The following ZNF66 variants were observed in gnomAD, a reference collection of about 807,000 sequenced individuals.
ZNF66 encodes zinc finger protein 66.
Under a neutral mutation model 35.2 loss-of-function variants are expected in ZNF66, and 32 were observed. That is an observed-to-expected ratio of 0.91 (90% CI 0.69 to 1.22). The LOEUF is 1.22. Ranked by LOEUF, ZNF66 falls within the 50% of genes most tolerant of loss-of-function variation. The pLI is 0.00. For missense variants in ZNF66, 666 were observed against 543.1 expected (o/e 1.23, Z -2.25); for synonymous variants, 231 against 181.3 (o/e 1.27, Z -2.20).
chr19:20,779,791 G>T (rs1971229022), intron 1 of ZNF66, among the ~76,000 whole-genome samples: 1 of 152,008 alleles, frequency 6.6e-6, no homozygotes, highest in African/African-American at 2.4e-5. Context: ...CAACAGGTGT[G>T]GTGGTGCATG....
At chr19:20,804,573 C>T (rs1236744065) in intron 3 of ZNF66, among the ~76,000 whole-genome samples, 1 of 152,056 alleles carries the variant, frequency 6.6e-6, no homozygotes, top group East Asian at 1.9e-4. Flanking sequence ...AGACAGGCTT[C>T]CTCTGTTGTC....
intron 1 of ZNF66, chr19:20,785,010 G>A (rs1971274947): frequency 6.6e-6 from 1 of 152,266 alleles, no homozygotes; most frequent in African/African-American, 2.4e-5. Flanking sequence ...TCTCTATCTG[G>A]ACTCATGTTG....
Position 20,805,922 on chromosome 19 carries a change from C to A in ZNF66, c.322C>A (p.His108Asn). The stretch of plus-strand genomic sequence containing the variant: ...ACTGAGAAGGCATAAAAAATGTGGA[C>A]ATGATAATTTGCAGTTAAAAAAAGG... ...LILRRHKKCGHDNLQLKKGCE... is the reference protein window; with the variant it reads ...LILRRHKKCGNDNLQLKKGCE... Residue 108 changes from histidine (H) to asparagine (N), a missense_variant, in exon 4 of 4, where the codon CAT becomes AAT. Coordinates refer to ENST00000344519, the MANE Select transcript of ZNF66 (RefSeq NM_001355197.2). The A allele has an allele frequency of 1.5e-6, 1 of 675,218 alleles. No homozygotes were observed. The highest frequency in any genetic ancestry group is 2.4e-5 in the Admixed American group (1 of 41,230). The allele number at this position is 675,218 out of a possible 1,614,324, so 41.8% of individuals were successfully genotyped here. A position where few individuals can be genotyped will look rare whatever the true frequency, so the allele number is the denominator to read the frequency against.
intron 1 of ZNF66, among the ~76,000 whole-genome samples, chr19:20,781,563 GCA>G (rs1294621372): frequency 6.6e-6 from 1 of 151,144 alleles, no homozygotes; most frequent in African/African-American, 2.4e-5. Context: ...AGGCTGGAGT[GCA>G]ATGGTGTGAT....
intron 3 of ZNF66, among the ~76,000 whole-genome samples, chr19:20,796,952 G>GA (rs1971397775): frequency 2.0e-5 from 3 of 152,076 alleles, no homozygotes; most frequent in Non-Finnish European, 4.4e-5. Flanking sequence ...CCAGGTTCAA[G>GA]CAATTCTCAT....
In ZNF66 at chr19:20,806,220, G is replaced by C. The variant is rs1971505574; in HGVS notation, c.620G>C (p.Gly207Ala). 7.2e-7 allele frequency: 1 copy of C among 1,396,990 alleles called. No homozygotes were observed. The highest frequency in any genetic ancestry group is 1.4e-5 in the African/African-American group (1 of 70,526). The allele number at this position is 1,396,990 out of a possible 1,614,324, so 86.5% of individuals were successfully genotyped here. A position where few individuals can be genotyped will look rare whatever the true frequency, so the allele number is the denominator to read the frequency against. ...AAACCCTATAAATGTATAGAATGTG[G>C]CAAAGCCTTCAACCGGTCCTCACAC... The part of the protein sequence containing the change: ...GEKPYKCIEC[G>A]KAFNRSSHLT... Residue 207 changes from glycine to alanine, a missense_variant, in exon 4 of 4, where the codon GGC (glycine) becomes GCC (alanine). Gly to Ala is a moderately conservative substitution (Grantham distance 60, BLOSUM62 0). Transcript: ENST00000344519.
rs1164690303 is a variant in ZNF66 at position 20,776,341 on chromosome 19, A to T, written c.-107A>T. ...AGCTGGAGCTCCAGGTCGTCTGTTCACTGCTCTCTGTCTTCTTCTCCTAGA... is the reference window on the plus strand; with the variant it reads ...AGCTGGAGCTCCAGGTCGTCTGTTCTCTGCTCTCTGTCTTCTTCTCCTAGA... On this transcript the variant is annotated 5_prime_UTR_variant, in exon 1 of 4. Coordinates refer to ENST00000344519, the MANE Select transcript of ZNF66 (RefSeq NM_001355197.2). 2.0e-5 allele frequency: 29 copies of T among 1,475,018 alleles called. No homozygotes were observed. The highest frequency in any genetic ancestry group is 2.5e-5 in the Non-Finnish European group (26 of 1,056,732). The allele number at this position is 1,475,018 out of a possible 1,614,324, so 91.4% of individuals were successfully genotyped here. A position where few individuals can be genotyped will look rare whatever the true frequency, so the allele number is the denominator to read the frequency against.
Position 20,791,045 on chromosome 19 carries a change from C to G in ZNF66, c.4-1467C>G, listed in dbSNP as rs559381850. ...TATGATCTGCAATATTAAAAATGTT[C>G]CGTTTGTGGCTGTTGAACATGGAAA... is the stretch of plus-strand genomic sequence containing the variant. On this transcript the variant is annotated intron_variant, in intron 1 of 3. Coordinates refer to ENST00000344519, the MANE Select transcript of ZNF66 (RefSeq NM_001355197.2). 2.6e-5 allele frequency among the ~76,000 whole-genome samples: 4 copies of G among 152,196 alleles called. No individual in the cohort carries two copies. The South Asian group carries it at 8.3e-4, about 32-fold the overall frequency.
At chr19:20,793,038 G>A (rs1971353132) in intron 2 of ZNF66, among the ~76,000 whole-genome samples, 1 of 151,214 alleles carries the variant, frequency 6.6e-6, no homozygotes, top group African/African-American at 2.4e-5. Context: ...TTGCACTGCA[G>A]CCTGGGCAAC....
At position 20,808,670 on chromosome 19, in the gene ZNF66, G is replaced by T. The variant is rs1335564113; in HGVS notation, c.*1348G>T. Among the ~76,000 whole-genome samples the T allele has an allele frequency of 6.6e-6, 1 of 152,020 alleles. No individual in the cohort carries two copies. Among genetic ancestry groups the T allele is most frequent in the Non-Finnish European group, 1.5e-5 (1 of 68,004 alleles). On this transcript the variant is annotated 3_prime_UTR_variant, in exon 4 of 4. Coordinates refer to ENST00000344519, the MANE Select transcript of ZNF66 (RefSeq NM_001355197.2). Reference sequence around the variant, plus strand: ...AGAAGGAAAACTAACAAACAGAAAGGACATCCACACCAAAAACCCATCTGT... The same window carrying T: ...AGAAGGAAAACTAACAAACAGAAAGTACATCCACACCAAAAACCCATCTGT...
At chr19:20,802,336 ATTTC>A (rs1355815770) in intron 3 of ZNF66, among the ~76,000 whole-genome samples, 1 of 152,140 alleles carries the variant, frequency 6.6e-6, no homozygotes, top group Non-Finnish European at 1.5e-5. Context: ...AATATTAATT[ATTTC>A]TTTTTCAGTT....
chr19:20,805,126 T>TGTGTGTGTGAGAGAGAGA (rs752355466), intron 3 of ZNF66, among the ~76,000 whole-genome samples: 1 of 145,984 alleles, frequency 6.9e-6, no homozygotes, highest in African/African-American at 2.5e-5. Context: ...TGTGTGTGTG[T>TGTGTGTGTGAGAGAGAGA]GAGAGAGAGA....
At chr19:20,804,769 A>C (rs533523565) in intron 3 of ZNF66, among the ~76,000 whole-genome samples, 6 of 152,178 alleles carry the variant, frequency 3.9e-5, no homozygotes, top group Non-Finnish European at 8.8e-5. Flanking sequence ...GATTTTGGGA[A>C]TTTCTCAAAC....
rs941999712 is a variant in ZNF66 at position 20,809,985 on chromosome 19, G to C, written c.*2663G>C. On this transcript the variant is annotated 3_prime_UTR_variant, in exon 4 of 4. Transcript: ENST00000344519. The stretch of plus-strand genomic sequence containing the variant: ...GGCTCAAAATAAAAGGATGGAGGAA[G>C]ATCTACGAAGCAAATGGAAAACAAA... 6.6e-6 allele frequency among the ~76,000 whole-genome samples: 1 copy of C among 152,158 alleles called. No homozygotes were observed. Among genetic ancestry groups the C allele is most frequent in the African/African-American group, 2.4e-5 (1 of 41,434 alleles).
intron 1 of ZNF66, among the ~76,000 whole-genome samples, chr19:20,778,529 G>A (rs143372616): frequency 0.093 from 14,152 of 152,112 alleles, 670 homozygotes; most frequent in Middle Eastern, 0.11. Flanking sequence ...CATGCCTGTA[G>A]TTTCAGCACT....
At chr19:20,781,755 AC>A (rs1409695929) in intron 1 of ZNF66, among the ~76,000 whole-genome samples, 2 of 151,630 alleles carry the variant, frequency 1.3e-5, no homozygotes, top group Non-Finnish European at 2.9e-5. Flanking sequence ...TGATCAACCC[AC>A]CTCGGCCTCC....
rs144634683 is a variant in ZNF66 at position 20,792,471 on chromosome 19, C to T, written c.4-41C>T. ...CTTAAGTCAAATTAAAAATTCCGCC[C>T]ATAACCACTTGGTGAAAATGTGTGT... On this transcript the variant is annotated intron_variant, in intron 1 of 3. Coordinates refer to ENST00000344519, the MANE Select transcript of ZNF66 (RefSeq NM_001355197.2). 877 of 1,460,544 alleles carry T rather than the reference C, an allele frequency of 6.0e-4. 7 individuals are homozygous for T. In the African/African-American group the frequency reaches 0.011, roughly 18 times the overall value. 90.5% of individuals were successfully genotyped at this position (1,460,544 alleles called of 1,614,324 possible). A position where few individuals can be genotyped will look rare whatever the true frequency, so the allele number is the denominator to read the frequency against.
chr19:20,797,189 ATTTTTTTTTTTTTTTTTTT>A (rs142052913), intron 3 of ZNF66, among the ~76,000 whole-genome samples: 11 of 45,478 alleles, frequency 2.4e-4, no homozygotes, highest in South Asian at 1.1e-3. Context: ...TGCATGCTAG[ATTTTTTTTTTTTTTTTTTT>A]TTTTTTTTTT....
chr19:20,802,794 T>C (rs1380864224), intron 3 of ZNF66, among the ~76,000 whole-genome samples: 3 of 152,180 alleles, frequency 2.0e-5, no homozygotes, highest in Admixed American at 2.0e-4. Context: ...TATCCTACTA[T>C]AATTATATTG....
Sources: allele counts gnomAD v4.1 joint callset (sites outside exome capture counted in the v4.1 genomes callset), GRCh38; gene constraint gnomAD v4.1.1; transcripts MANE v1.5; gene names NCBI Gene and HGNC (gene_info 2026-07-23, HGNC 2026-07-21).